The following NTM variants were observed in gnomAD, a reference collection of about 807,000 sequenced individuals.
The protein encoded by NTM is IgLON family member 2.
In NTM, 13 loss-of-function variants were observed where a neutral mutation model predicts 42.1. The ratio of observed to expected loss-of-function variants is 0.31; its 90% CI spans 0.20 to 0.49. NTM has a LOEUF of 0.49. Among genes scored for constraint, NTM ranks in the 20% least tolerant of loss-of-function variants. NTM has a pLI of 0.99. For synonymous variants in NTM, 187 were observed against 179.2 expected, an observed-to-expected ratio of 1.04 and a Z score of -0.35; for missense variants, 373 against 452.8, an observed-to-expected ratio of 0.82 and a Z score of 1.60.
intron 1 of NTM, among the ~76,000 whole-genome samples, chr11:131,652,718 G>A (rs376842911): frequency 2.0e-5 from 3 of 152,120 alleles, no homozygotes; most frequent in Non-Finnish European, 4.4e-5. Flanking sequence ...GTTGGGCAGC[G>A]GGACTTAGAC....
chr11:132,122,041 G>A (rs1310346312), intron 2 of NTM, among the ~76,000 whole-genome samples: 1 of 152,202 alleles, frequency 6.6e-6, no homozygotes, highest in Non-Finnish European at 1.5e-5. Context: ...TGAAAGGGGA[G>A]CACCTAAACT....
In NTM at chr11:131,576,342, C is replaced by G. The variant is rs543131497; in HGVS notation, c.82+205454C>G. Among the ~76,000 whole-genome samples the G allele has an allele frequency of 6.6e-5, 10 of 152,348 alleles. No homozygotes were observed. In the East Asian group the frequency reaches 1.5e-3, roughly 24 times the overall value. ...TTCAAAAGAACCAGGATTGGTCCATCTAAATGCACAGAAGATAAAGCTCTT... is the reference window on the plus strand; with the variant it reads ...TTCAAAAGAACCAGGATTGGTCCATGTAAATGCACAGAAGATAAAGCTCTT... On this transcript the variant is annotated intron_variant, in intron 1 of 8. Coordinates refer to ENST00000683400, the MANE Select transcript of NTM (RefSeq NM_001352005.2).
At chr11:132,152,692 T>G (rs2072218322) in intron 3 of NTM, among the ~76,000 whole-genome samples, 1 of 152,208 alleles carries the variant, frequency 6.6e-6, no homozygotes, top group African/African-American at 2.4e-5. Context: ...TTAAAATTTC[T>G]TGAAGCAGTT....
At chr11:131,582,501 C>A (rs2058495675) in intron 1 of NTM, 1 of 151,846 alleles carries the variant, frequency 6.6e-6, no homozygotes, top group Non-Finnish European at 1.5e-5. Context: ...AAACTGCCTG[C>A]ATTTTAAATC....
intron 1 of NTM, chr11:131,794,977 G>C (rs2091389822): frequency 3.0e-6 from 3 of 985,154 alleles, no homozygotes; most frequent in Admixed American, 6.2e-5. Flanking sequence ...CTCACTGGAG[G>C]GGCAGCCTTG....
intron 1 of NTM, among the ~76,000 whole-genome samples, chr11:131,572,428 T>C (rs1275515359): frequency 6.6e-6 from 1 of 152,214 alleles, no homozygotes; most frequent in Non-Finnish European, 1.5e-5. Flanking sequence ...CCGTGACTCC[T>C]GTCCCAATCT....
chr11:132,288,609 TTTTC>T (rs547865743), intron 4 of NTM, among the ~76,000 whole-genome samples: 4 of 152,276 alleles, frequency 2.6e-5, no homozygotes, highest in South Asian at 2.1e-4. Context: ...TGGATACTTT[TTTTC>T]TTTCTTTCTT....
chr11:131,779,798 C>T (rs1373842458), intron 1 of NTM, among the ~76,000 whole-genome samples: 7 of 152,118 alleles, frequency 4.6e-5, no homozygotes, highest in Non-Finnish European at 7.3e-5. Flanking sequence ...GGAGTAATCA[C>T]ACAGAGATGT....
At chr11:132,008,252 A>C (rs1159439407) in intron 2 of NTM, among the ~76,000 whole-genome samples, 1 of 152,112 alleles carries the variant, frequency 6.6e-6, no homozygotes, top group Admixed American at 6.5e-5. Context: ...CTCTTTGGAC[A>C]AGGTTTGCAT....
At chr11:131,873,449 A>G (rs2048010254) in intron 1 of NTM, among the ~76,000 whole-genome samples, 1 of 151,468 alleles carries the variant, frequency 6.6e-6, no homozygotes, top group African/African-American at 2.4e-5. Context: ...TGATGGGTGC[A>G]GCAAATCACC....
At chr11:131,456,377 A>G (rs1003591935) in intron 1 of NTM, among the ~76,000 whole-genome samples, 1 of 152,310 alleles carries the variant, frequency 6.6e-6, no homozygotes, top group Middle Eastern at 3.4e-3. Flanking sequence ...TTGGTTGAGT[A>G]TGACAGGAAT....
chr11:132,199,610 T>C (rs529062926), intron 3 of NTM, among the ~76,000 whole-genome samples: 1 of 152,304 alleles, frequency 6.6e-6, no homozygotes, highest in Non-Finnish European at 1.5e-5. Flanking sequence ...GGGGAGTAGA[T>C]GGCCTTGTGT....
intron 4 of NTM, among the ~76,000 whole-genome samples, chr11:132,297,948 A>T (rs149827152): frequency 6.6e-4 from 101 of 152,334 alleles, no homozygotes; most frequent in African/African-American, 2.3e-3. Flanking sequence ...TCAGATTAAG[A>T]ACCCCTGCCC....
chr11:131,522,707 G>A (rs2049918890), intron 1 of NTM, among the ~76,000 whole-genome samples: 1 of 152,200 alleles, frequency 6.6e-6, no homozygotes. Flanking sequence ...AACTTCAAGT[G>A]TCCAAAACCC....
chr11:131,944,211 T>C (rs541504710), intron 2 of NTM, among the ~76,000 whole-genome samples: 2 of 152,216 alleles, frequency 1.3e-5, no homozygotes, highest in Admixed American at 6.5e-5. Flanking sequence ...CTAGAAATAC[T>C]AGGTACAGAG....
intron 1 of NTM, among the ~76,000 whole-genome samples, chr11:131,427,224 G>A (rs1426512910): frequency 1.3e-5 from 2 of 151,898 alleles, no homozygotes; most frequent in African/African-American, 4.8e-5. Context: ...TAGAATTGCA[G>A]GAAAGACCAT....
chr11:131,981,868 T>C (rs900556564), intron 2 of NTM, among the ~76,000 whole-genome samples: 8 of 151,810 alleles, frequency 5.3e-5, no homozygotes, highest in Non-Finnish European at 1.0e-4. Context: ...AAACATTAGC[T>C]GGGCGTGGTG....
intron 1 of NTM, among the ~76,000 whole-genome samples, chr11:131,423,723 G>A (rs75926819): frequency 1.8e-4 from 28 of 152,138 alleles, no homozygotes; most frequent in Non-Finnish European, 3.2e-4. Context: ...CTCAGAATCC[G>A]CAAAAGAGGC....
intron 1 of NTM, among the ~76,000 whole-genome samples, chr11:131,379,185 T>C (rs565240831): frequency 2.6e-4 from 40 of 152,278 alleles, no homozygotes; most frequent in Admixed American, 2.2e-3. Context: ...CAGAGGGACT[T>C]TCAAGATACT....
Sources: gnomAD v4.1 joint callset for allele counts (sites outside exome capture counted in the v4.1 genomes callset) on GRCh38, gnomAD v4.1.1 for gene constraint, MANE v1.5 for transcripts, NCBI Gene and HGNC (gene_info 2026-07-23, HGNC 2026-07-21) for gene names.